The following IQCM variants were observed in gnomAD, a reference collection of about 807,000 sequenced individuals.
IQCM encodes the protein IQ motif containing M.
Under a neutral mutation model 57.6 loss-of-function variants are expected in IQCM, and 45 were observed. The ratio of observed to expected loss-of-function variants is 0.78; its 90% CI spans 0.62 to 1.00. The LOEUF (loss-of-function observed/expected upper bound fraction) is 1.00, where lower values mean the gene tolerates loss of function less well. Ranked by LOEUF, IQCM falls within the 50% of genes least tolerant of loss-of-function variation. The probability of loss-of-function intolerance (pLI) is 0.00; values close to 1 mark genes in which losing one functional copy is unlikely to be tolerated. For synonymous variants in IQCM, 148 were observed against 158.9 expected, an observed-to-expected ratio of 0.93 and a Z score of 0.51; for missense variants, 468 against 511.6, an observed-to-expected ratio of 0.91 and a Z score of 0.82.
At chr4:149,407,562 A>AT (rs34237693) in intron 13 of IQCM, among the ~76,000 whole-genome samples, 1,767 of 151,430 alleles carry the variant, frequency 0.012, 33 homozygotes, top group African/African-American at 0.04. Flanking sequence ...GTGGAAACGG[A>AT]TTTTTTTTTA....
At chr4:149,779,184 A>C (rs779829281) in intron 2 of IQCM, among the ~76,000 whole-genome samples, 1 of 152,228 alleles carries the variant, frequency 6.6e-6, no homozygotes, top group Non-Finnish European at 1.5e-5. Context: ...TCAAAAACCC[A>C]GCAATGTAAT....
chr4:149,805,819 A>G (rs1420112860), intron 2 of IQCM, among the ~76,000 whole-genome samples: 1 of 152,036 alleles, frequency 6.6e-6, no homozygotes, highest in Non-Finnish European at 1.5e-5. Context: ...CTGAAATTAA[A>G]GCTTCTGGGT....
intron 13 of IQCM, among the ~76,000 whole-genome samples, chr4:149,353,470 G>A (rs1728715881): frequency 6.6e-6 from 1 of 152,076 alleles, no homozygotes. Flanking sequence ...ACCTTGTAAA[G>A]ATTATCTACA....
intron 7 of IQCM, among the ~76,000 whole-genome samples, chr4:149,666,638 A>G (rs1760750348): frequency 6.6e-6 from 1 of 152,142 alleles, no homozygotes; most frequent in Non-Finnish European, 1.5e-5. Context: ...TGCTCAGTGG[A>G]TCCTACCCCT....
chr4:149,710,418 A>C (rs1010571485), intron 5 of IQCM, among the ~76,000 whole-genome samples: 1 of 152,104 alleles, frequency 6.6e-6, no homozygotes, highest in Non-Finnish European at 1.5e-5. Flanking sequence ...CTCCAAAACA[A>C]ACTTTATAGC....
At chr4:149,397,961 A>G (rs999229704) in intron 13 of IQCM, among the ~76,000 whole-genome samples, 2 of 151,798 alleles carry the variant, frequency 1.3e-5, no homozygotes, top group South Asian at 2.1e-4. Flanking sequence ...TGTTGCTTGT[A>G]CTTTTTGTGT....
chr4:149,609,094 T>C (rs1755047840), intron 8 of IQCM, among the ~76,000 whole-genome samples: 2 of 151,712 alleles, frequency 1.3e-5, no homozygotes, highest in South Asian at 4.1e-4. Flanking sequence ...CAAAGGATCA[T>C]TAGAGATTAT....
intron 5 of IQCM, among the ~76,000 whole-genome samples, chr4:149,689,343 A>C (rs557247247): frequency 6.6e-6 from 1 of 151,952 alleles, no homozygotes; most frequent in East Asian, 2.0e-4. Context: ...CTCACTCATA[A>C]GTGGGAGTTG....
At chr4:149,402,101 G>T (rs1438462923) in intron 13 of IQCM, among the ~76,000 whole-genome samples, 3 of 151,828 alleles carry the variant, frequency 2.0e-5, no homozygotes, top group South Asian at 4.1e-4. Flanking sequence ...GGTGAAAAAA[G>T]AATAGAAATA....
At chr4:149,805,327 G>T (rs555988578) in intron 2 of IQCM, among the ~76,000 whole-genome samples, 7 of 152,014 alleles carry the variant, frequency 4.6e-5, no homozygotes, top group South Asian at 2.1e-4. Flanking sequence ...AGCTCAAAAA[G>T]GTACATGTTA....
intron 5 of IQCM, among the ~76,000 whole-genome samples, chr4:149,689,600 C>G (rs1762801530): frequency 6.6e-6 from 1 of 151,914 alleles, no homozygotes; most frequent in South Asian, 2.1e-4. Flanking sequence ...AACTAAAGAA[C>G]TTTTGCACAG....
At chr4:149,718,387 A>T (rs1301877411) in intron 5 of IQCM, among the ~76,000 whole-genome samples, 1 of 152,192 alleles carries the variant, frequency 6.6e-6, no homozygotes, top group Non-Finnish European at 1.5e-5. Context: ...GAGGGCACAG[A>T]CCATGGTACA....
At chr4:149,464,576 G>A (rs2149715370) in intron 12 of IQCM, among the ~76,000 whole-genome samples, 1 of 152,182 alleles carries the variant, frequency 6.6e-6, no homozygotes, top group East Asian at 1.9e-4. Flanking sequence ...TTACCATATG[G>A]CAAACTTGCC....
Position 149,599,521 on chromosome 4 carries a change from C to CT in IQCM, c.682-11525dup, listed in dbSNP as rs139594676. On this transcript the variant is annotated intron_variant, in intron 8 of 13. Transcript: ENST00000636793. Reference sequence around the variant, plus strand: ...GTTCTACCCCTTAAGCTTTGTGGGTCTTTTTTTTTGAGTATTATTCCTTCA... The same window carrying CT: ...GTTCTACCCCTTAAGCTTTGTGGGTCTTTTTTTTTTGAGTATTATTCCTTCA... Among the ~76,000 whole-genome samples the CT allele has an allele frequency of 4.8e-3, 729 of 150,728 alleles. 6 individuals carry two copies. Among genetic ancestry groups the CT allele is most frequent in the East Asian group, 0.035 (177 of 5,122 alleles).
chr4:149,423,565 T>C (rs75686867), intron 13 of IQCM, among the ~76,000 whole-genome samples: 2,413 of 152,150 alleles, frequency 0.016, 76 homozygotes, highest in African/African-American at 0.056. Context: ...TCCATGCTCC[T>C]CTCCCTTGCA....
chr4:149,551,704 A>G (rs1046708484), intron 11 of IQCM, among the ~76,000 whole-genome samples: 2 of 104,486 alleles, frequency 1.9e-5, no homozygotes, highest in African/African-American at 8.2e-5. Flanking sequence ...ATTATATAAT[A>G]TAAACTACTA....
chr4:149,697,237 C>A (rs1763409795), intron 5 of IQCM, among the ~76,000 whole-genome samples: 1 of 151,988 alleles, frequency 6.6e-6, no homozygotes, highest in African/African-American at 2.4e-5. Flanking sequence ...ACAATGTTTC[C>A]CTTCAGGACC....
At chr4:149,461,260 A>G (rs532966103) in intron 12 of IQCM, among the ~76,000 whole-genome samples, 226 of 150,262 alleles carry the variant, frequency 1.5e-3, no homozygotes, top group African/African-American at 5.3e-3. Context: ...AAAAAAATTC[A>G]TCAAAGTAGT....
intron 8 of IQCM, among the ~76,000 whole-genome samples, chr4:149,615,382 T>C (rs1052078386): frequency 5.9e-5 from 9 of 152,160 alleles, no homozygotes; most frequent in African/African-American, 1.9e-4. Context: ...GTTAAAAATA[T>C]CTTAGTACTT....
Sources: gnomAD v4.1 joint callset for allele counts (sites outside exome capture counted in the v4.1 genomes callset) on GRCh38, gnomAD v4.1.1 for gene constraint, MANE v1.5 for transcripts, NCBI Gene and HGNC (gene_info 2026-07-23, HGNC 2026-07-21) for gene names.